Variants in MID1 observed in about 807,000 individuals in gnomAD.
MID1 encodes E3 ubiquitin-protein ligase Midline-1.
In MID1, 7 loss-of-function variants were observed where a neutral mutation model predicts 40.4. That is an observed-to-expected ratio of 0.17 (90% CI 0.10 to 0.33). MID1 has a LOEUF of 0.33. Ranked by LOEUF, MID1 falls within the 10% of genes least tolerant of loss-of-function variation. The pLI is 1.00. For synonymous variants in MID1, 229 were observed against 221.2 expected, an observed-to-expected ratio of 1.04 and a Z score of -0.31; for missense variants, 367 against 558.5, an observed-to-expected ratio of 0.66 and a Z score of 3.46.
chrX:10,740,496 A>T (rs1222085475), intron 1 of MID1, among the ~76,000 whole-genome samples: 3 of 112,199 alleles, frequency 2.7e-5, no homozygotes, highest in Non-Finnish European at 5.6e-5. Flanking sequence ...TTGTCCCCAG[A>T]CAAGTTACAG....
intron 1 of MID1, among the ~76,000 whole-genome samples, chrX:10,734,028 C>T (rs967102340): frequency 2.7e-5 from 3 of 112,072 alleles, no homozygotes; most frequent in Non-Finnish European, 5.6e-5. Flanking sequence ...TCATAACAGT[C>T]CCAAACTGTA....
chrX:10,640,667 A>G (rs752261359), intron 1 of MID1, among the ~76,000 whole-genome samples: 2 of 111,372 alleles, frequency 1.8e-5, no homozygotes, highest in African/African-American at 6.6e-5. Context: ...AAGCGGACCT[A>G]ATAGACATCT....
intron 1 of MID1, among the ~76,000 whole-genome samples, chrX:10,641,492 G>C (rs946268628): frequency 1.8e-5 from 2 of 111,607 alleles, no homozygotes; most frequent in African/African-American, 6.5e-5. Flanking sequence ...TCCCTGAATA[G>C]ACCAATGACA....
At chrX:10,489,195 C>T (rs1353047780) in intron 4 of MID1, among the ~76,000 whole-genome samples, 2 of 111,629 alleles carry the variant, frequency 1.8e-5, no homozygotes, top group African/African-American at 6.5e-5. Context: ...TTGGTCTTTT[C>T]AGTCTCTTAA....
At chrX:10,477,280 TG>T (rs1037290526) in intron 5 of MID1, among the ~76,000 whole-genome samples, 1 of 112,425 alleles carries the variant, frequency 8.9e-6, no homozygotes, top group African/African-American at 3.2e-5. Flanking sequence ...AAGTTTCTCC[TG>T]GTTCCATGGT....
intron 1 of MID1, among the ~76,000 whole-genome samples, chrX:10,613,758 G>GAC (rs1569128276): frequency 3.4e-5 from 3 of 88,781 alleles, no homozygotes; most frequent in East Asian, 3.4e-4. Flanking sequence ...GAGAGAGAGA[G>GAC]AGAGAGAGAG....
intron 1 of MID1, among the ~76,000 whole-genome samples, chrX:10,568,739 T>C (rs1036885942): frequency 9.0e-6 from 1 of 111,349 alleles, no homozygotes; most frequent in East Asian, 2.8e-4. Flanking sequence ...TTGTGAACTC[T>C]CATCTGCCTT....
intron 1 of MID1, among the ~76,000 whole-genome samples, chrX:10,715,410 G>A (rs1325741059): frequency 8.9e-6 from 1 of 112,294 alleles, no homozygotes; most frequent in Non-Finnish European, 1.9e-5. Flanking sequence ...CCCATGCCTG[G>A]CTCGGAGGGT....
chrX:10,522,313 G>T (rs913600424), intron 3 of MID1, among the ~76,000 whole-genome samples: 1 of 111,992 alleles, frequency 8.9e-6, no homozygotes, highest in Admixed American at 9.4e-5. Flanking sequence ...TCCAAGAATT[G>T]CCTGCAACTA....
intron 7 of MID1, among the ~76,000 whole-genome samples, chrX:10,464,004 G>C (rs1929197382): frequency 8.9e-6 from 1 of 112,074 alleles, no homozygotes; most frequent in Non-Finnish European, 1.9e-5. Flanking sequence ...ATCAAGGGAG[G>C]AACACATCCT....
At chrX:10,673,818 T>G (rs1301140514) in intron 1 of MID1, among the ~76,000 whole-genome samples, 1 of 111,487 alleles carries the variant, frequency 9.0e-6, no homozygotes, top group Non-Finnish European at 1.9e-5. Flanking sequence ...CCATCATCTT[T>G]AAAATGGGCC....
chrX:10,817,721 G>T (rs1211250619), intron 1 of MID1, among the ~76,000 whole-genome samples: 1 of 105,126 alleles, frequency 9.5e-6, no homozygotes, highest in Non-Finnish European at 1.9e-5. Context: ...CTGGGTTAAC[G>T]TGATTCTCGT....
intron 1 of MID1, among the ~76,000 whole-genome samples, chrX:10,648,995 A>C (rs563552850): frequency 8.0e-5 from 9 of 112,358 alleles, no homozygotes; most frequent in African/African-American, 2.9e-4. Flanking sequence ...CCTTAAGTTC[A>C]CAACTTTGTT....
chrX:10,729,859 C>T (rs942352799), intron 1 of MID1, among the ~76,000 whole-genome samples: 3 of 110,788 alleles, frequency 2.7e-5, no homozygotes, highest in Non-Finnish European at 5.7e-5. Context: ...CTGAGGCGGG[C>T]GGATCACAAG....
At chrX:10,685,221 T>C (rs2043087193) in intron 1 of MID1, among the ~76,000 whole-genome samples, 1 of 111,950 alleles carries the variant, frequency 8.9e-6, no homozygotes, top group East Asian at 2.8e-4. Context: ...ATTTTTTCTA[T>C]TGCTGTGTAT....
chrX:10,692,630 T>G lies in MID1; in HGVS notation c.-186-72211A>C, dbSNP rs188174998. On this transcript the variant is annotated intron_variant, in intron 1 of 10. Transcript: ENST00000380785. ...GAAACTCCATCTCAAAAAAAAAAATTATTCATGAGGTACTTTACATTCTTT... is the reference window on the plus strand; with the variant it reads ...GAAACTCCATCTCAAAAAAAAAAATGATTCATGAGGTACTTTACATTCTTT... Among the ~76,000 whole-genome samples, 4 of 111,164 alleles carry G rather than the reference T, an allele frequency of 3.6e-5. No individual in the cohort carries two copies. The East Asian group carries it at 1.1e-3, about 32-fold the overall frequency.
intron 2 of MID1, among the ~76,000 whole-genome samples, chrX:10,532,269 T>C (rs755197125): frequency 3.6e-5 from 4 of 112,250 alleles, no homozygotes; most frequent in African/African-American, 6.5e-5. Flanking sequence ...GGCGGGAGGA[T>C]TGCTTTAAAC....
intron 1 of MID1, among the ~76,000 whole-genome samples, chrX:10,716,872 AGT>A (rs2043307765): frequency 8.9e-6 from 1 of 111,980 alleles, no homozygotes; most frequent in Non-Finnish European, 1.9e-5. Context: ...AAGCCAGAAG[AGT>A]GTGGGGGCCA....
intron 1 of MID1, among the ~76,000 whole-genome samples, chrX:10,763,072 T>G (rs1483722812): frequency 9.0e-6 from 1 of 110,780 alleles, no homozygotes; most frequent in Non-Finnish European, 1.9e-5. Context: ...ATCCCAAATA[T>G]GCAACTCTTC....
Sources: gnomAD v4.1 joint callset for allele counts (sites outside exome capture counted in the v4.1 genomes callset) on GRCh38, gnomAD v4.1.1 for gene constraint, MANE v1.5 for transcripts, NCBI Gene and HGNC (gene_info 2026-07-23, HGNC 2026-07-21) for gene names.